DIPK2A: variants seen among roughly 807,000 people sequenced by gnomAD.
DIPK2A encodes the protein divergent protein kinase domain 2A.
A neutral mutation model predicts 39.0 loss-of-function variants in DIPK2A; 27 were observed. The ratio of observed to expected loss-of-function variants is 0.69; its 90% CI spans 0.51 to 0.96. DIPK2A has a LOEUF of 0.96. Among genes scored for constraint, DIPK2A ranks in the 40% least tolerant of loss-of-function variants. The pLI, the probability that DIPK2A is intolerant of heterozygous loss-of-function variation, is 0.00. For synonymous variants in DIPK2A, 298 were observed against 240.8 expected, an observed-to-expected ratio of 1.24 and a Z score of -2.20; for missense variants, 528 against 571.3, an observed-to-expected ratio of 0.92 and a Z score of 0.77.
In DIPK2A at chr3:143,991,857, TTGTC is replaced by T. The variant is rs908490549; in HGVS notation, c.*2022_*2025del. On this transcript the variant is annotated 3_prime_UTR_variant, in exon 3 of 3. Transcript: ENST00000315691. ...CCTTATAATACCAGTCACAAAGAGGTTGTCTGTCTATGGTTTAGCAAACATTTGC... is the reference window on the plus strand; with the variant it reads ...CCTTATAATACCAGTCACAAAGAGGTTGTCTATGGTTTAGCAAACATTTGC... The T allele has an allele frequency of 1.3e-5, 2 of 152,198 alleles. No individual in the cohort carries two copies. The highest frequency in any genetic ancestry group is 2.4e-5 in the African/African-American group (1 of 41,462). 9.4% of individuals were successfully genotyped at this position (152,198 alleles called of 1,614,324 possible). A position where few individuals can be genotyped will look rare whatever the true frequency, so the allele number is the denominator to read the frequency against.
intron 1 of DIPK2A, chr3:143,973,457 C>T (rs923849500): frequency 6.4e-7 from 1 of 1,551,162 alleles, no homozygotes; most frequent in Non-Finnish European, 8.7e-7. Flanking sequence ...GGCCTAACTT[C>T]GGTCTCAGAG....
At position 143,972,707 on chromosome 3, in the gene DIPK2A, C is replaced by G. The variant is rs768693814; in HGVS notation, c.375C>G (p.Ile125Met). The change falls in exon 1 of 3, where the codon ATC becomes ATG. Residue 125 changes from isoleucine (I) to methionine (M), a missense_variant. Physicochemically the swap from Ile to Met is conservative, Grantham distance 10 (BLOSUM62 1). Around this residue, in one of 2 missense-constraint regions of DIPK2A, gnomAD observed 309 missense variants for 289.8 expected, o/e 1.07. Transcript: ENST00000315691. ...AGCTGGCGCAGCTCGACCAGAGCATCTGCAAGCGGGCCACCGGCCGGCCCC... is the reference window on the plus strand; with the variant it reads ...AGCTGGCGCAGCTCGACCAGAGCATGTGCAAGCGGGCCACCGGCCGGCCCC... ...QRELAQLDQS[I>M]CKRATGRPRC... is the part of the protein sequence containing the mutation. 6.2e-7 allele frequency: 1 copy of G among 1,603,516 alleles called. No homozygotes were observed. Among genetic ancestry groups the G allele is most frequent in the African/African-American group, 1.3e-5 (1 of 74,794 alleles).
rs772518373 is a variant in DIPK2A, at chr3:143,985,853, A to G, written c.961+7A>G. ...AAAAGATTAATTAGACAAAGTAAGT[A>G]TATAATTTTAGATTTTTTTCTACTC... On this transcript the variant is annotated splice_region_variant and intron_variant, in intron 2 of 2. Coordinates refer to ENST00000315691, the MANE Select transcript of DIPK2A (RefSeq NM_173552.5). 5.1e-6 allele frequency: 8 copies of G among 1,582,176 alleles called. No homozygotes were observed. Among genetic ancestry groups the G allele is most frequent in the Non-Finnish European group, 6.9e-6 (8 of 1,165,410 alleles).
chr3:143,978,477 G>C (rs2087761688), intron 1 of DIPK2A: 1 of 152,150 alleles, frequency 6.6e-6, no homozygotes, highest in Non-Finnish European at 1.5e-5. Flanking sequence ...TGGATTGAAA[G>C]GATGGAAAGA....
intron 2 of DIPK2A, among the ~76,000 whole-genome samples, chr3:143,988,088 C>T (rs574918586): frequency 4.6e-4 from 70 of 151,912 alleles, no homozygotes; most frequent in African/African-American, 1.5e-3. Flanking sequence ...TGTGACTTGG[C>T]CCTCTTCTGA....
chr3:143,973,343 T>A, intron 1 of DIPK2A: 1 of 1,542,694 alleles, frequency 6.5e-7, no homozygotes, highest in East Asian at 2.5e-5. Flanking sequence ...CTGCCGGGGC[T>A]TGCAGGTCCG....
chr3:143,979,644 C>G (rs1445763180), intron 1 of DIPK2A, among the ~76,000 whole-genome samples: 1 of 151,990 alleles, frequency 6.6e-6, no homozygotes, highest in Non-Finnish European at 1.5e-5. Flanking sequence ...GACTAGTAAA[C>G]TTATGCATAT....
rs2087948385 is a variant in DIPK2A, at chr3:143,989,413, G to A, written c.962-97G>A. 4.2e-6 allele frequency: 3 copies of A among 715,936 alleles called. No homozygotes were observed. The Admixed American group carries it at 8.7e-5, about 21-fold the overall frequency. The allele number at this position is 715,936 out of a possible 1,614,324, so 44.3% of individuals were successfully genotyped here. ...TAATATACTTTTACCTAAAAGTGTA[G>A]AACAAATACTATTAATTAGTGAAAT... is the stretch of plus-strand genomic sequence containing the variant. On this transcript the variant is annotated intron_variant, in intron 2 of 2. Transcript: ENST00000315691.
At chr3:143,977,950 T>C (rs917784288) in intron 1 of DIPK2A, among the ~76,000 whole-genome samples, 3 of 152,154 alleles carry the variant, frequency 2.0e-5, no homozygotes, top group East Asian at 1.9e-4. Flanking sequence ...TCTGGACATA[T>C]CCATATCTTT....
At chr3:143,983,189 T>C (rs2087849522) in intron 1 of DIPK2A, among the ~76,000 whole-genome samples, 1 of 152,154 alleles carries the variant, frequency 6.6e-6, no homozygotes. Flanking sequence ...AGCAAAGATA[T>C]TCAGGACTTG....
intron 2 of DIPK2A, among the ~76,000 whole-genome samples, chr3:143,987,308 T>C (rs928615503): frequency 2.0e-5 from 3 of 152,240 alleles, no homozygotes; most frequent in Middle Eastern, 3.2e-3. Context: ...TTTTTATAAT[T>C]CATTTTATGC....
chr3:143,973,205 A>C (rs1414192959), intron 1 of DIPK2A: 1 of 1,024,988 alleles, frequency 9.8e-7, no homozygotes, highest in African/African-American at 1.6e-5. Context: ...CTTGTTACCT[A>C]GATTCGGGCG....
At chr3:143,977,904 C>T (rs1246765740) in intron 1 of DIPK2A, among the ~76,000 whole-genome samples, 1 of 152,098 alleles carries the variant, frequency 6.6e-6, no homozygotes, top group African/African-American at 2.4e-5. Context: ...ACTTCAGAAT[C>T]AGTAGAGCAA....
chr3:143,972,404 G>C lies in DIPK2A; in HGVS notation c.72G>C (p.Leu24=). 3 of 1,500,068 alleles carry C rather than the reference G, an allele frequency of 2.0e-6. No individual in the cohort carries two copies. Among genetic ancestry groups the C allele is most frequent in the East Asian group, 5.0e-5 (2 of 40,134 alleles). The allele number at this position is 1,500,068 out of a possible 1,614,324, so 92.9% of individuals were successfully genotyped here. A position where few individuals can be genotyped will look rare whatever the true frequency, so the allele number is the denominator to read the frequency against. The change falls in exon 1 of 3, where the codon CTG becomes CTC. Residue 24 remains leucine, a synonymous_variant. Coordinates refer to ENST00000315691, the MANE Select transcript of DIPK2A (RefSeq NM_173552.5). ...TGAAGCTGGCGGCGCTGGGCAGCCT[G>C]TTGGTGCTGATGGTGCTGCACTCGC... ...RSLKLAALGS[L]LVLMVLHSPS... is the part of the protein sequence containing the mutation.
Position 143,989,845 on chromosome 3 carries a change from A to C in DIPK2A, c.*4A>C, listed in dbSNP as rs373359208. On this transcript the variant is annotated 3_prime_UTR_variant, in exon 3 of 3. Transcript: ENST00000315691. ...ATTAAGTAACAACGTGAGGTAGTCTATGGTGAACTTTTCTTTTTTTCTCCA... is the reference window on the plus strand; with the variant it reads ...ATTAAGTAACAACGTGAGGTAGTCTCTGGTGAACTTTTCTTTTTTTCTCCA... The C allele has an allele frequency of 1.0e-5, 16 of 1,598,854 alleles. No homozygotes were observed. The highest frequency in any genetic ancestry group is 1.3e-5 in the Non-Finnish European group (15 of 1,169,644).
At chr3:143,973,095 C>T (rs1468805822) in intron 1 of DIPK2A, 106 bp downstream of exon 1, 6 of 1,412,134 alleles carry the variant, frequency 4.2e-6, no homozygotes, top group Non-Finnish European at 4.8e-6. Flanking sequence ...CGGACTCGGC[C>T]GGGCTGGGCC....
At chr3:143,987,032 C>T (rs1253587414) in intron 2 of DIPK2A, among the ~76,000 whole-genome samples, 1 of 151,842 alleles carries the variant, frequency 6.6e-6, no homozygotes, top group Non-Finnish European at 1.5e-5. Context: ...TTGATTTTTC[C>T]CACTCCCTTT....
intron 1 of DIPK2A, 156 bp downstream of exon 1, chr3:143,973,145 C>T (rs1325214855): frequency 8.6e-7 from 1 of 1,156,570 alleles, no homozygotes; most frequent in Non-Finnish European, 1.2e-6. Context: ...GGGGGAGCCC[C>T]GGGGCTGTGC....
rs781490506 is a variant in DIPK2A at position 143,990,226 on chromosome 3, A to G, written c.*385A>G. The G allele has an allele frequency of 1.9e-5, 3 of 159,990 alleles. No individual in the cohort carries two copies. Among genetic ancestry groups the G allele is most frequent in the Middle Eastern group, 2.9e-3 (1 of 344 alleles). The allele number at this position is 159,990 out of a possible 1,614,324, so 9.9% of individuals were successfully genotyped here. Reference sequence around the variant, plus strand: ...ATGATTTTGTGAATCTCTTGCATTTACTTTGAATGTCAAGTCAGATTGGTC... The same window carrying G: ...ATGATTTTGTGAATCTCTTGCATTTGCTTTGAATGTCAAGTCAGATTGGTC... On this transcript the variant is annotated 3_prime_UTR_variant, in exon 3 of 3. Transcript: ENST00000315691.
Sources: allele counts gnomAD v4.1 joint callset (sites outside exome capture counted in the v4.1 genomes callset), GRCh38; gene constraint gnomAD v4.1.1; regional missense constraint gnomAD v4.1.1; transcripts MANE v1.5; gene names NCBI Gene and HGNC (gene_info 2026-07-23, HGNC 2026-07-21).